The following RPS6KA2 variants were observed in gnomAD, a reference collection of about 807,000 sequenced individuals.
The protein encoded by RPS6KA2 is ribosomal protein S6 kinase alpha-2.
RPS6KA2 carries 42 observed loss-of-function variants against 91.8 expected under a neutral mutation model. That is an observed-to-expected ratio of 0.46 (90% CI 0.36 to 0.59). RPS6KA2 has a LOEUF of 0.59. RPS6KA2 is among the 20% of genes least tolerant of loss of function. The pLI, the probability that RPS6KA2 is intolerant of heterozygous loss-of-function variation, is 0.00. For missense variants in RPS6KA2, 798 were observed against 978.5 expected, an observed-to-expected ratio of 0.82 and a Z score of 2.46; for synonymous variants, 414 against 393.6, an observed-to-expected ratio of 1.05 and a Z score of -0.61.
At chr6:166,413,081 G>A (rs1583097959) in intron 20 of RPS6KA2, among the ~76,000 whole-genome samples, 194 bp from the exon 21 acceptor site, 1 of 152,040 alleles carries the variant, frequency 6.6e-6, no homozygotes, top group Non-Finnish European at 1.5e-5. Context: ...GGAGACAGGG[G>A]CCCTGTCTCC....
chr6:166,566,755 G>A (rs1233478044), intron 1 of RPS6KA2, among the ~76,000 whole-genome samples: 9 of 152,182 alleles, frequency 5.9e-5, no homozygotes, highest in Admixed American at 5.2e-4. Flanking sequence ...CTAGAGGGGC[G>A]GGGATGAGCT....
At chr6:166,474,228 G>A (rs982578207) in intron 10 of RPS6KA2, among the ~76,000 whole-genome samples, 2 of 152,208 alleles carry the variant, frequency 1.3e-5, no homozygotes, top group Non-Finnish European at 2.9e-5. Flanking sequence ...AAACTGGGAT[G>A]AGGATCAGAA....
intron 2 of RPS6KA2, among the ~76,000 whole-genome samples, chr6:166,687,956 T>C (rs1407534987): frequency 2.0e-5 from 3 of 152,170 alleles, no homozygotes; most frequent in Admixed American, 2.0e-4. Context: ...GAGGGGGTTC[T>C]ATTCACAGGA....
At chr6:166,540,525 G>A (rs1783621136) in intron 1 of RPS6KA2, among the ~76,000 whole-genome samples, 2 of 152,194 alleles carry the variant, frequency 1.3e-5, no homozygotes, top group South Asian at 4.1e-4. Flanking sequence ...AAGTTCATAT[G>A]AGTGCAGTTG....
At chr6:166,540,405 C>T (rs1471310100) in intron 1 of RPS6KA2, among the ~76,000 whole-genome samples, 1 of 152,012 alleles carries the variant, frequency 6.6e-6, no homozygotes, top group Non-Finnish European at 1.5e-5. Flanking sequence ...ACACTTTCGT[C>T]TCCATATCTT....
At chr6:166,701,177 T>C (rs1789507043) in intron 2 of RPS6KA2, 1 of 1,612,080 alleles carries the variant, frequency 6.2e-7, no homozygotes, top group Non-Finnish European at 8.5e-7. Context: ...ATTTCCTGAA[T>C]TTTTCTCTGG....
chr6:166,821,653 T>G lies in RPS6KA2; in HGVS notation c.123+36547A>C, dbSNP rs554102801. ...CCTTTCACTATTGCTGTGCCCCAGA[T>G]TTCCACTCGGAGCCCTCATCCCTTC... On this transcript the variant is annotated intron_variant, in intron 2 of 21. Transcript: ENST00000503859. This position sits in a 1 kb window ranked among gnomAD's most constrained non-coding sequence, Gnocchi z 4.1. 6.6e-6 allele frequency among the ~76,000 whole-genome samples: 1 copy of G among 152,168 alleles called. No homozygotes were observed. The highest frequency in any genetic ancestry group is 6.5e-5 in the Admixed American group (1 of 15,298).
At chr6:166,651,053 T>A (rs1450568646) in intron 2 of RPS6KA2, among the ~76,000 whole-genome samples, 2 of 152,210 alleles carry the variant, frequency 1.3e-5, no homozygotes, top group Admixed American at 1.3e-4. Context: ...AGACCCTGCC[T>A]GTCCAGCTGT....
Position 166,485,511 on chromosome 6 carries a change from C to T in RPS6KA2, c.907+3322G>A, listed in dbSNP as rs188179775. 1.2e-4 allele frequency among the ~76,000 whole-genome samples: 18 copies of T among 152,048 alleles called. No homozygotes were observed. The East Asian group carries it at 1.9e-3, about 16-fold the overall frequency. On this transcript the variant is annotated intron_variant, in intron 10 of 20. Coordinates refer to ENST00000265678, the MANE Select transcript of RPS6KA2 (RefSeq NM_021135.6). ...ACATCCACATTGCTCTTAGGGCTGA[C>T]GGACACTGCAATGGAAGGGACTCAA...
chr6:166,749,935 C>T (rs1054455684), intron 2 of RPS6KA2, among the ~76,000 whole-genome samples: 4 of 151,560 alleles, frequency 2.6e-5, no homozygotes, highest in African/African-American at 9.7e-5. Flanking sequence ...AAGGGGGATA[C>T]TGAGTGAGGA....
intron 1 of RPS6KA2, among the ~76,000 whole-genome samples, chr6:166,602,500 G>A (rs1785780090): frequency 6.6e-6 from 1 of 152,188 alleles, no homozygotes; most frequent in Non-Finnish European, 1.5e-5. Flanking sequence ...CAGGACTGTT[G>A]GCACAGTCAG....
intron 14 of RPS6KA2, among the ~76,000 whole-genome samples, chr6:166,439,331 C>T (rs1779445811): frequency 6.6e-6 from 1 of 152,258 alleles, no homozygotes; most frequent in South Asian, 2.1e-4. Context: ...TGGTCTCGAA[C>T]TCCTGACCTC....
rs1225800862 is a variant in RPS6KA2 at position 166,508,286 on chromosome 6, T to TG, written c.380-5dup. On this transcript the variant is annotated splice_polypyrimidine_tract_variant and splice_region_variant and intron_variant, in intron 4 of 20. Coordinates refer to ENST00000265678, the MANE Select transcript of RPS6KA2 (RefSeq NM_021135.6). The surrounding 1 kb of genome is among the most constrained non-coding windows in gnomAD (Gnocchi z 4.3). ...AGCTTTCCTTCCGTCTGAAAGGCTG[T>TG]GGGGGACAGAGACCCGCATTTTGAC... The TG allele has an allele frequency of 2.5e-6, 4 of 1,605,360 alleles. No individual in the cohort carries two copies. Among genetic ancestry groups the TG allele is most frequent in the Non-Finnish European group, 3.4e-6 (4 of 1,172,278 alleles).
intron 1 of RPS6KA2, among the ~76,000 whole-genome samples, chr6:166,555,540 C>T (rs1784151703): frequency 6.6e-6 from 1 of 152,100 alleles, no homozygotes; most frequent in Admixed American, 6.5e-5. Context: ...CCAAAAGCCA[C>T]AATCCTGAGC....
At chr6:166,706,800 C>T (rs1302506492) in intron 2 of RPS6KA2, among the ~76,000 whole-genome samples, 2 of 152,182 alleles carry the variant, frequency 1.3e-5, no homozygotes, top group African/African-American at 4.8e-5. Flanking sequence ...ACATTCATAT[C>T]TAAGAATATA....
intron 1 of RPS6KA2, among the ~76,000 whole-genome samples, chr6:166,560,082 G>A (rs955115179): frequency 6.6e-6 from 1 of 152,194 alleles, no homozygotes; most frequent in Non-Finnish European, 1.5e-5. Context: ...TGAGTCTAGT[G>A]GGCATCTCAT....
intron 19 of RPS6KA2, among the ~76,000 whole-genome samples, chr6:166,414,406 C>T (rs1778428056): frequency 6.6e-6 from 1 of 152,150 alleles, no homozygotes; most frequent in South Asian, 2.1e-4. Flanking sequence ...CAGATATGTC[C>T]AGTGGGTTCA....
chr6:166,617,177 C>T (rs1786446051), intron 1 of RPS6KA2, among the ~76,000 whole-genome samples: 2 of 152,204 alleles, frequency 1.3e-5, no homozygotes, highest in Non-Finnish European at 2.9e-5. Context: ...AGCAATGTCA[C>T]GAAGGCCATC....
chr6:166,657,551 A>G (rs2128556199), intron 2 of RPS6KA2, among the ~76,000 whole-genome samples: 1 of 152,142 alleles, frequency 6.6e-6, no homozygotes, highest in East Asian at 1.9e-4. Flanking sequence ...CAGGGGAGGG[A>G]GGTGTTGGTG....
Sources: allele counts gnomAD v4.1 joint callset (sites outside exome capture counted in the v4.1 genomes callset), GRCh38; gene constraint gnomAD v4.1.1; non-coding constraint Gnocchi (gnomAD v3.1); transcripts MANE v1.5; gene names NCBI Gene and HGNC (gene_info 2026-07-23, HGNC 2026-07-21).